Variants in DCHS1 observed in about 807,000 individuals in gnomAD.
The protein encoded by DCHS1 is dachsous cadherin-related 1, also known as protocadherin-16.
Under a neutral mutation model 213.9 loss-of-function variants are expected in DCHS1, and 78 were observed. The observed-to-expected ratio is 0.36, with a 90% CI of 0.30 to 0.44. The LOEUF is 0.44. Among genes scored for constraint, DCHS1 ranks in the 20% least tolerant of loss-of-function variants. The pLI is 1.00. For missense variants in DCHS1, 3,946 were observed against 4,395.9 expected (o/e 0.90, Z 2.89); for synonymous variants, 1,828 against 1,873.7 (o/e 0.98, Z 0.63).
rs1412230494 is a variant in DCHS1 at position 6,621,384 on chromosome 11, C to A, written c.*395G>T. 1 of 348,062 alleles carries A rather than the reference C, an allele frequency of 2.9e-6. No homozygotes were observed. The highest frequency in any genetic ancestry group is 5.6e-6 in the Non-Finnish European group (1 of 178,068). 21.6% of individuals were successfully genotyped at this position (348,062 alleles called of 1,614,324 possible). On this transcript the variant is annotated 3_prime_UTR_variant, in exon 21 of 21. Coordinates refer to ENST00000299441, the MANE Select transcript of DCHS1 (RefSeq NM_003737.4). ...GTGAGAAATGGCACTTGGTTCTGGG[C>A]AGGGGCAGGGGCAGGGGTGTCAGTG...
intron 1 of DCHS1, among the ~76,000 whole-genome samples, chr11:6,647,021 C>A (rs1856168558): frequency 6.6e-6 from 1 of 152,132 alleles, no homozygotes; most frequent in Non-Finnish European, 1.5e-5. Flanking sequence ...TGGCACCACC[C>A]AGGCCTCCTC....
intron 1 of DCHS1, among the ~76,000 whole-genome samples, chr11:6,642,383 T>C (rs960146133): frequency 1.3e-5 from 2 of 152,148 alleles, no homozygotes; most frequent in South Asian, 2.1e-4. Context: ...ATGGTAAGAG[T>C]TGTGAAGAAG....
At position 6,634,099 on chromosome 11, in the gene DCHS1, C is replaced by T; in HGVS notation, c.1986+19G>A. On this transcript the variant is annotated intron_variant, in intron 3 of 20. Transcript: ENST00000299441. ...GCCCTACCCCAACATCCCAACCTGC[C>T]CTTGGTCTACTGACTTACCCCATCC... 1.3e-6 allele frequency: 2 copies of T among 1,598,756 alleles called. No individual in the cohort carries two copies. Among genetic ancestry groups the T allele is most frequent in the Non-Finnish European group, 1.7e-6 (2 of 1,170,582 alleles).
rs772434486 is a variant in DCHS1, at chr11:6,624,110, G to A, written c.7566C>T (p.Ile2522=). The A allele has an allele frequency of 1.2e-6, 2 of 1,611,870 alleles. No individual in the cohort carries two copies. The highest frequency in any genetic ancestry group is 1.7e-6 in the Non-Finnish European group (2 of 1,179,176). ...SRSHAAVDYS[I]ISGNWGRVFQ... ...AGACTCGGCCCCAGTTGCCACTGAT[G>A]ATGCTGTAGTCCACAGCGGCATGGC... The change falls in exon 21 of 21, where the codon ATC becomes ATT. Residue 2522 remains isoleucine, a synonymous_variant. Transcript: ENST00000299441.
Position 6,622,970 on chromosome 11 carries a change from C to T in DCHS1, c.8706G>A (p.Val2902=), listed in dbSNP as rs764853502. 8.3e-6 allele frequency: 13 copies of T among 1,574,270 alleles called. No homozygotes were observed. Among genetic ancestry groups the T allele is most frequent in the African/African-American group, 1.4e-5 (1 of 74,028 alleles). ...REAPRELRLE[V]IARGPLPGSR... ...AACCAGGCAGAGGCCCCCGTGCTAT[C>T]ACCTCCAGCCTCAGCTCCCGTGGTG... Residue 2902 remains valine (V), a synonymous_variant, in exon 21 of 21, where the codon GTG becomes GTA. Transcript: ENST00000299441. The surrounding 1 kb of genome is among the most constrained non-coding windows in gnomAD (Gnocchi z 5.4).
rs767934567 is a variant in DCHS1 at position 6,628,727 on chromosome 11, A to T, written c.5265T>A (p.His1755Gln). Residue 1755 changes from histidine (H) to glutamine (Q), a missense_variant, in exon 13 of 21, where the codon CAT (histidine) becomes CAA (glutamine). This residue lies in a region of DCHS1 where 3,384 missense variants were observed against 3,780.1 expected (regional missense o/e 0.90). Transcript: ENST00000299441. This position sits in a 1 kb window ranked among gnomAD's most constrained non-coding sequence, Gnocchi z 4.3. ...NDHAPTFGSA[H>Q]LSLEVPEGQD... ...GGCCCTCAGGCACCTCCAGAGAGAG[A>T]TGGGCACTCCCAAAGGTTGGTGCAT... 6.2e-7 allele frequency: 1 copy of T among 1,613,990 alleles called. No individual in the cohort carries two copies. The highest frequency in any genetic ancestry group is 8.5e-7 in the Non-Finnish European group (1 of 1,179,882).
rs748110740 is a variant in DCHS1 at position 6,641,416 on chromosome 11, C to T, written c.198G>A (p.Ala66=). 1.1e-5 allele frequency: 17 copies of T among 1,613,068 alleles called. No individual in the cohort carries two copies. Among genetic ancestry groups the T allele is most frequent in the South Asian group, 3.3e-5 (3 of 91,030 alleles). ...GAGCTGCCGTGCCTGCCGGAAGCCC[C>T]GCACTGATGTCGCCAATCAGTGTAC... ...PAGTLIGDIS[A]GLPAGTAAPL... is the part of the protein sequence containing the mutation. The change falls in exon 2 of 21, where the codon GCG becomes GCA. Residue 66 remains alanine, a synonymous_variant. Coordinates refer to ENST00000299441, the MANE Select transcript of DCHS1 (RefSeq NM_003737.4). The surrounding 1 kb of genome is among the most constrained non-coding windows in gnomAD (Gnocchi z 7.1).
At position 6,628,569 on chromosome 11, in the gene DCHS1, CA is replaced by C; in HGVS notation, c.5371+51del. 6.2e-7 allele frequency: 1 copy of C among 1,603,884 alleles called. No homozygotes were observed. The highest frequency in any genetic ancestry group is 2.2e-5 in the East Asian group (1 of 44,766). ...GAGGCTGACAGCAGCCAAGAAGGAGCAAGAACCAGGCAAGTGGGTGCTGAAT... is the reference window on the plus strand; with the variant it reads ...GAGGCTGACAGCAGCCAAGAAGGAGCAGAACCAGGCAAGTGGGTGCTGAAT... On this transcript the variant is annotated intron_variant, in intron 13 of 20. Transcript: ENST00000299441. This position sits in a 1 kb window ranked among gnomAD's most constrained non-coding sequence, Gnocchi z 4.3.
intron 12 of DCHS1, 25 bp downstream of exon 12, chr11:6,629,427 C>A (rs1855864729): frequency 6.2e-7 from 1 of 1,611,652 alleles, no homozygotes; most frequent in Non-Finnish European, 8.5e-7. Context: ...CTCACTCAGG[C>A]TCTTGGGGTC....
In DCHS1 at chr11:6,621,464, C is replaced by A. The variant is rs907330763; in HGVS notation, c.*315G>T. The A allele has an allele frequency of 1.9e-5, 9 of 469,772 alleles. No individual in the cohort carries two copies. The highest frequency in any genetic ancestry group is 3.2e-5 in the Non-Finnish European group (8 of 249,608). 29.1% of individuals were successfully genotyped at this position (469,772 alleles called of 1,614,324 possible). On this transcript the variant is annotated 3_prime_UTR_variant, in exon 21 of 21. Transcript: ENST00000299441. Reference sequence around the variant, plus strand: ...TGGAGGGACCTCCTCCATCCCCCTACCCCCAATAAATAAAGTCTCAGCTCC... The same window carrying A: ...TGGAGGGACCTCCTCCATCCCCCTAACCCCAATAAATAAAGTCTCAGCTCC...
In DCHS1 at chr11:6,635,973, C is replaced by T. The variant is rs143322041; in HGVS notation, c.1798-1667G>A. On this transcript the variant is annotated intron_variant, in intron 2 of 20. Transcript: ENST00000299441. ...AGATTCTCAGCTCAGCGTCTCAGTC[C>T]GACCTTGGTCGGCTCCCTCTCCCAT... Among the ~76,000 whole-genome samples the T allele has an allele frequency of 2.5e-3, 378 of 152,278 alleles. 1 individual carries two copies. Among genetic ancestry groups the T allele is most frequent in the African/African-American group, 8.5e-3 (354 of 41,536 alleles).
At position 6,622,640 on chromosome 11, in the gene DCHS1, C is replaced by T; in HGVS notation, c.9036G>A (p.Gly3012=). 1 of 1,588,248 alleles carries T rather than the reference C, an allele frequency of 6.3e-7. No individual in the cohort carries two copies. The highest frequency in any genetic ancestry group is 2.3e-5 in the East Asian group (1 of 43,662). The change falls in exon 21 of 21, where the codon GGG becomes GGA. Residue 3012 remains glycine, a synonymous_variant. Transcript: ENST00000299441. The surrounding 1 kb of genome is among the most constrained non-coding windows in gnomAD (Gnocchi z 5.4). ...LYHQTLPSYG[G]PGAGGPYPRG... is the part of the protein sequence containing the mutation. Reference sequence around the variant, plus strand: ...GGGGGTAGGGTCCTCCAGCTCCTGGCCCACCATAGCTGGGAAGAGTCTGGT... The same window carrying T: ...GGGGGTAGGGTCCTCCAGCTCCTGGTCCACCATAGCTGGGAAGAGTCTGGT...
At chr11:6,643,024 G>T (rs1392229863) in intron 1 of DCHS1, among the ~76,000 whole-genome samples, 1 of 152,164 alleles carries the variant, frequency 6.6e-6, no homozygotes, top group East Asian at 1.9e-4. Flanking sequence ...GAGAAGTCAA[G>T]GATGATGCGC....
At position 6,630,521 on chromosome 11, in the gene DCHS1, G is replaced by C. The variant is rs1490953363; in HGVS notation, c.4273C>G (p.Gln1425Glu). Reference protein sequence around the residue: ...AGARLLRVQVQVQDENEHAPA... With the variant: ...AGARLLRVQVEVQDENEHAPA... Reference sequence around the variant, plus strand: ...GCATGCTCATTCTCGTCCTGCACTTGCACCTGCACTCGCAGCAGCCGCGCG... The same window carrying C: ...GCATGCTCATTCTCGTCCTGCACTTCCACCTGCACTCGCAGCAGCCGCGCG... Residue 1425 changes from glutamine to glutamate, a missense_variant, in exon 10 of 21, where the codon CAA becomes GAA. Gln to Glu is a conservative substitution (Grantham distance 29). Transcript: ENST00000299441. 1 of 1,538,380 alleles carries C rather than the reference G, an allele frequency of 6.5e-7. No individual in the cohort carries two copies. The highest frequency in any genetic ancestry group is 2.5e-5 in the East Asian group (1 of 40,540).
rs1314506338 is a variant in DCHS1 at position 6,640,895 on chromosome 11, A to G, written c.719T>C (p.Leu240Pro). ...GATGTCCAGCAGTGTCACGTCCAGC[A>G]GGGCCTGGGCCCTCCGGGGGGGTGA... The part of the protein sequence containing the change: ...GGSPPRRAQA[L>P]LDVTLLDIND... Residue 240 changes from leucine (L) to proline (P), a missense_variant, in exon 2 of 21, where the codon CTG becomes CCG. Transcript: ENST00000299441. This position sits in a 1 kb window ranked among gnomAD's most constrained non-coding sequence, Gnocchi z 6.5. The G allele has an allele frequency of 6.2e-7, 1 of 1,614,046 alleles. No homozygotes were observed. Among genetic ancestry groups the G allele is most frequent in the Admixed American group, 1.7e-5 (1 of 60,034 alleles).
Position 6,653,878 on chromosome 11 carries a change from G to A in DCHS1, c.-121+1685C>T, listed in dbSNP as rs1484397371. On this transcript the variant is annotated intron_variant, in intron 1 of 20. Transcript: ENST00000299441. ...ATTATGAGGTCAAAGAGTGTAATGG[G>A]AGCGAGAACATCTGAAAGCTGGAAG... is the stretch of plus-strand genomic sequence containing the variant. Among the ~76,000 whole-genome samples the A allele has an allele frequency of 3.3e-5, 5 of 152,206 alleles. No individual in the cohort carries two copies. The East Asian group carries it at 9.6e-4, about 29-fold the overall frequency.
Position 6,621,557 on chromosome 11 carries a change from T to G in DCHS1, c.*222A>C. On this transcript the variant is annotated 3_prime_UTR_variant, in exon 21 of 21. Coordinates refer to ENST00000299441, the MANE Select transcript of DCHS1 (RefSeq NM_003737.4). ...GAACCCAGGGCTGCTACCTCCTTCA[T>G]ATTTCTCCCCACATTGGACCTGGTC... The G allele has an allele frequency of 1.4e-6, 1 of 689,706 alleles. No individual in the cohort carries two copies. Among genetic ancestry groups the G allele is most frequent in the Non-Finnish European group, 2.6e-6 (1 of 379,264 alleles). The allele number at this position is 689,706 out of a possible 1,614,324, so 42.7% of individuals were successfully genotyped here. A position where few individuals can be genotyped will look rare whatever the true frequency, so the allele number is the denominator to read the frequency against.
chr11:6,627,263 T>C lies in DCHS1; in HGVS notation c.5776A>G (p.Thr1926Ala). 6.2e-7 allele frequency: 1 copy of C among 1,613,200 alleles called. No individual in the cohort carries two copies. The highest frequency in any genetic ancestry group is 8.5e-7 in the Non-Finnish European group (1 of 1,179,784). The change falls in exon 14 of 21, where the codon ACC becomes GCC. Residue 1926 changes from threonine (T) to alanine (A), a missense_variant. By Grantham distance (58) the Thr-to-Ala change is moderately conservative. Around this residue, in one of 3 missense-constraint regions of DCHS1, gnomAD observed 3,384 missense variants for 3,780.1 expected, o/e 0.90. Transcript: ENST00000299441. This position sits in a 1 kb window ranked among gnomAD's most constrained non-coding sequence, Gnocchi z 5.4. ...CCATCCACTGCACTCACAGAAAAGG[T>C]GTAGCTGGGACACTGTTCTCTGTCC... ...ALDREQCPSY[T>A]FSVSAVDGAA...
chr11:6,646,235 G>A lies in DCHS1; in HGVS notation c.-120-4502C>T, dbSNP rs144976684. On this transcript the variant is annotated intron_variant, in intron 1 of 20. Transcript: ENST00000299441. Reference sequence around the variant, plus strand: ...CTCACACTTGAAGACCCACCCACACGCAGGCATGCTCTCGCACATGCTGCC... The same window carrying A: ...CTCACACTTGAAGACCCACCCACACACAGGCATGCTCTCGCACATGCTGCC... Among the ~76,000 whole-genome samples, 948 of 152,078 alleles carry A rather than the reference G, an allele frequency of 6.2e-3. 9 individuals carry two copies. Among genetic ancestry groups the A allele is most frequent in the African/African-American group, 0.022 (907 of 41,476 alleles).
Sources: gnomAD v4.1 joint callset for allele counts (sites outside exome capture counted in the v4.1 genomes callset) on GRCh38, gnomAD v4.1.1 for gene constraint, gnomAD v4.1.1 regional missense constraint, Gnocchi (gnomAD v3.1) non-coding constraint, MANE v1.5 for transcripts, NCBI Gene and HGNC (gene_info 2026-07-23, HGNC 2026-07-21) for gene names.